The following MIGA1 variants were observed in gnomAD, a reference collection of about 807,000 sequenced individuals.
MIGA1 encodes mitoguardin 1.
A neutral mutation model predicts 82.0 loss-of-function variants in MIGA1; 58 were observed. The ratio of observed to expected loss-of-function variants is 0.71; its 90% CI spans 0.57 to 0.88. The LOEUF is 0.88. MIGA1 is among the 40% of genes least tolerant of loss of function. The probability of loss-of-function intolerance (pLI) is 0.00; values close to 1 mark genes in which losing one functional copy is unlikely to be tolerated. For synonymous variants in MIGA1, 249 were observed against 253.6 expected (o/e 0.98, Z 0.17); for missense variants, 751 against 749.1 (o/e 1.00, Z -0.03).
chr1:77,844,623 G>A (rs1684768644), intron 8 of MIGA1, among the ~76,000 whole-genome samples: 1 of 152,012 alleles, frequency 6.6e-6, no homozygotes, highest in Admixed American at 6.6e-5. Flanking sequence ...CAGAATATTT[G>A]CATTTTTTAC....
At chr1:77,853,958 G>A (rs867846753) in intron 8 of MIGA1, 54 of 217,760 alleles carry the variant, frequency 2.5e-4, no homozygotes, top group African/African-American at 1.3e-3. Flanking sequence ...GTTCTTTAGT[G>A]GTGATTTGTG....
At chr1:77,853,863 TC>T (rs1161481802) in intron 8 of MIGA1, 1 of 265,126 alleles carries the variant, frequency 3.8e-6, no homozygotes. Context: ...AAAGTTACTT[TC>T]CCAGAATATG....
chr1:77,843,343 A>G lies in MIGA1; in HGVS notation c.932A>G (p.Glu311Gly). ...GATATCACCATGAAGGGTAATGTGG[A>G]AGACTTTGGCCTGCGAGACACCTTG... The change falls in exon 8 of 16, where the codon GAA becomes GGA. Residue 311 changes from glutamate to glycine, a missense_variant. By Grantham distance (98) the Glu-to-Gly change is moderately conservative. This residue lies in a region of MIGA1 where 482 missense variants were observed against 439.4 expected (regional missense o/e 1.10). Transcript: ENST00000370791. The G allele has an allele frequency of 6.2e-7, 1 of 1,614,030 alleles. No individual in the cohort carries two copies. The highest frequency in any genetic ancestry group is 8.5e-7 in the Non-Finnish European group (1 of 1,179,900).
chr1:77,796,478 A>G (rs1682662345), intron 2 of MIGA1, among the ~76,000 whole-genome samples: 1 of 151,076 alleles, frequency 6.6e-6, no homozygotes, highest in Admixed American at 6.6e-5. Context: ...GCTGGAGTGC[A>G]GTGGTGCGAT....
chr1:77,849,535 A>G (rs1684968822), intron 8 of MIGA1, among the ~76,000 whole-genome samples: 2 of 152,210 alleles, frequency 1.3e-5, no homozygotes, highest in African/African-American at 4.8e-5. Context: ...ACGTTCTGAA[A>G]TTTGTATTAA....
chr1:77,789,585 A>G (rs1682330678), intron 2 of MIGA1, among the ~76,000 whole-genome samples: 1 of 152,148 alleles, frequency 6.6e-6, no homozygotes, highest in African/African-American at 2.4e-5. Flanking sequence ...CAGCCAATCA[A>G]TGAAAGTTTT....
At chr1:77,827,513 A>G (rs112750948) in intron 7 of MIGA1, among the ~76,000 whole-genome samples, 2 of 152,212 alleles carry the variant, frequency 1.3e-5, no homozygotes, top group South Asian at 4.1e-4. Flanking sequence ...TATCTGGAGA[A>G]GAGAATACAG....
intron 2 of MIGA1, among the ~76,000 whole-genome samples, chr1:77,788,782 C>T (rs1300614626): frequency 1.3e-5 from 2 of 152,152 alleles, no homozygotes; most frequent in Non-Finnish European, 2.9e-5. Flanking sequence ...GCCCTTGATG[C>T]CAGTACCTTA....
chr1:77,814,335 A>G (rs372114543), intron 6 of MIGA1, among the ~76,000 whole-genome samples: 2 of 152,002 alleles, frequency 1.3e-5, no homozygotes, highest in Non-Finnish European at 1.5e-5. Flanking sequence ...TTTACCATTC[A>G]TCAAGTTTAT....
At chr1:77,839,574 A>G (rs946300975) in intron 7 of MIGA1, among the ~76,000 whole-genome samples, 6 of 151,430 alleles carry the variant, frequency 4.0e-5, no homozygotes, top group Non-Finnish European at 8.8e-5. Context: ...GTCTCTCTCT[A>G]TTGCCCAGGC....
At chr1:77,861,547 C>T (rs953510736) in intron 12 of MIGA1, 4 of 444,532 alleles carry the variant, frequency 9.0e-6, no homozygotes, top group Non-Finnish European at 1.6e-5. Flanking sequence ...CTCCTTGCTT[C>T]CTTCCCTCCT....
At chr1:77,848,264 T>C (rs760532012) in intron 8 of MIGA1, 1 of 1,368,304 alleles carries the variant, frequency 7.3e-7, no homozygotes, top group Non-Finnish European at 1.0e-6. Context: ...TGACAGAGTG[T>C]GGAAAAGGGA....
At position 77,843,400 on chromosome 1, in the gene MIGA1, C is replaced by T; in HGVS notation, c.989C>T (p.Ala330Val). 2 of 1,612,570 alleles carry T rather than the reference C, an allele frequency of 1.2e-6. No individual in the cohort carries two copies. The highest frequency in any genetic ancestry group is 1.7e-6 in the Non-Finnish European group (2 of 1,178,608). ...GCATCCACGGATTCCTTTGCTTCCG[C>T]AGCAGAGGTAGGACATATGTGTTCC... Residue 330 changes from alanine to valine, a missense_variant, in exon 8 of 16, where the codon GCA becomes GTA. Transcript: ENST00000370791.
intron 7 of MIGA1, among the ~76,000 whole-genome samples, chr1:77,820,357 A>G (rs976102442): frequency 4.6e-5 from 7 of 152,180 alleles, no homozygotes; most frequent in Non-Finnish European, 7.4e-5. Flanking sequence ...TATAATAACT[A>G]AAAGTACAGA....
At chr1:77,821,200 T>C (rs959368256) in intron 7 of MIGA1, among the ~76,000 whole-genome samples, 3 of 152,136 alleles carry the variant, frequency 2.0e-5, no homozygotes, top group African/African-American at 7.2e-5. Context: ...ACATTGGCTT[T>C]TGGTGAACTT....
At chr1:77,780,652 T>C (rs1450265849) in intron 1 of MIGA1, among the ~76,000 whole-genome samples, 1 of 152,210 alleles carries the variant, frequency 6.6e-6, no homozygotes, top group African/African-American at 2.4e-5. Context: ...GCAAGTAATA[T>C]CACACAGGAC....
chr1:77,784,376 C>T (rs867820376), intron 2 of MIGA1, among the ~76,000 whole-genome samples: 4 of 152,050 alleles, frequency 2.6e-5, no homozygotes, highest in Non-Finnish European at 2.9e-5. Context: ...AGGCATGTGC[C>T]ACCATCTCTC....
intron 8 of MIGA1, chr1:77,848,736 C>G: frequency 2.0e-6 from 3 of 1,487,544 alleles, no homozygotes; most frequent in Non-Finnish European, 2.8e-6. Flanking sequence ...CAGCTAGAGA[C>G]AGGTACTTGG....
chr1:77,844,111 AAAAT>A (rs758477577), intron 8 of MIGA1, among the ~76,000 whole-genome samples: 3,717 of 53,800 alleles, frequency 0.069, 120 homozygotes, highest in South Asian at 0.25. Flanking sequence ...AAAAAAAAAA[AAAAT>A]ATATATATAT....
Sources: gnomAD v4.1 joint callset for allele counts (sites outside exome capture counted in the v4.1 genomes callset) on GRCh38, gnomAD v4.1.1 for gene constraint, gnomAD v4.1.1 regional missense constraint, MANE v1.5 for transcripts, NCBI Gene and HGNC (gene_info 2026-07-23, HGNC 2026-07-21) for gene names.